RSBN1L: variants seen among roughly 807,000 people sequenced by gnomAD.
RSBN1L encodes the protein round spermatid basic protein 1 like.
In RSBN1L, 30 loss-of-function variants were observed where a neutral mutation model predicts 67.7. The observed-to-expected ratio is 0.44, with a 90% CI of 0.33 to 0.60. The LOEUF is 0.60. Ranked by LOEUF, RSBN1L falls within the 20% of genes least tolerant of loss-of-function variation. The probability of loss-of-function intolerance (pLI) is 0.02; values close to 1 mark genes in which losing one functional copy is unlikely to be tolerated. For missense variants in RSBN1L, 992 were observed against 1,031.7 expected, an observed-to-expected ratio of 0.96 and a Z score of 0.53; for synonymous variants, 433 against 387.0, an observed-to-expected ratio of 1.12 and a Z score of -1.39.
intron 1 of RSBN1L, 30 bp downstream of exon 1, chr7:77,697,085 GGGCGCCGTGGGTCCCCGCCGCCCCCT>G: frequency 7.4e-7 from 1 of 1,355,292 alleles, no homozygotes; most frequent in Admixed American, 3.8e-5. Flanking sequence ...GGGGAGGGGA[GGGCGCCGTGGGTCCCCGCCGCCCCCT>G]GGCGCCCACG....
intron 2 of RSBN1L, among the ~76,000 whole-genome samples, chr7:77,742,733 T>C (rs1317625924): frequency 2.0e-5 from 3 of 152,080 alleles, no homozygotes; most frequent in Admixed American, 6.6e-5. Context: ...GCTACTCAGT[T>C]GGCCGAGGCA....
rs556838369 is a variant in RSBN1L at position 77,778,744 on chromosome 7, A to C, written c.2117A>C (p.His706Pro). ...GACACTTCTCAGAATACAGCTACTC[A>C]TGAAACAGGCACATCATCAGATTCC... ...EEDTSQNTAT[H>P]ETGTSSDSTS... The change falls in exon 8 of 8, where the codon CAT (histidine) becomes CCT (proline). Residue 706 changes from histidine (H) to proline (P), a missense_variant. Transcript: ENST00000334955. 1.9e-6 allele frequency: 3 copies of C among 1,614,160 alleles called. No homozygotes were observed. Among genetic ancestry groups the C allele is most frequent in the East Asian group, 2.2e-5 (1 of 44,872 alleles).
At chr7:77,701,810 C>T (rs954411905) in intron 1 of RSBN1L, among the ~76,000 whole-genome samples, 1 of 151,968 alleles carries the variant, frequency 6.6e-6, no homozygotes, top group African/African-American at 2.4e-5. Flanking sequence ...CGCCACCACG[C>T]CCAGCTAATT....
In RSBN1L at chr7:77,762,234, A is replaced by ATTACT. The variant is rs548802773; in HGVS notation, c.1345-3252_1345-3248dup. ...GCAATATAATCGGAGTAGAGTCTGT[A>ATTACT]TTACTTTACTTTAAAAATTCAGGGT... On this transcript the variant is annotated intron_variant, in intron 3 of 7. Coordinates refer to ENST00000334955, the MANE Select transcript of RSBN1L (RefSeq NM_198467.3). Among the ~76,000 whole-genome samples the ATTACT allele has an allele frequency of 5.3e-3, 807 of 152,272 alleles. 9 individuals carry two copies. The highest frequency in any genetic ancestry group is 0.018 in the African/African-American group (748 of 41,558).
intron 1 of RSBN1L, among the ~76,000 whole-genome samples, chr7:77,721,971 A>G (rs118071415): frequency 0.018 from 2,789 of 152,284 alleles, 38 homozygotes; most frequent in Middle Eastern, 0.071. Context: ...CTAGGTGGTG[A>G]CTCTGGAAAG....
rs2150436578 is a variant in RSBN1L, at chr7:77,780,667, AAAATACTTTG to A, written c.*1500_*1509del. ...ACTGCCATATAGAGATATAATTAACAAAATACTTTGTGGTACCTCTTATCTCTCAGGATCT... is the reference window on the plus strand; with the variant it reads ...ACTGCCATATAGAGATATAATTAACATGGTACCTCTTATCTCTCAGGATCT... On this transcript the variant is annotated 3_prime_UTR_variant, in exon 8 of 8. Coordinates refer to ENST00000334955, the MANE Select transcript of RSBN1L (RefSeq NM_198467.3). The A allele has an allele frequency of 6.6e-6, 1 of 152,346 alleles. No homozygotes were observed. Among genetic ancestry groups the A allele is most frequent in the South Asian group, 2.1e-4 (1 of 4,824 alleles). The allele number at this position is 152,346 out of a possible 1,614,324, so 9.4% of individuals were successfully genotyped here. A position where few individuals can be genotyped will look rare whatever the true frequency, so the allele number is the denominator to read the frequency against.
At chr7:77,762,057 G>A (rs755747768) in intron 3 of RSBN1L, among the ~76,000 whole-genome samples, 4 of 152,054 alleles carry the variant, frequency 2.6e-5, no homozygotes, top group Non-Finnish European at 4.4e-5. Context: ...TGGGCAAATG[G>A]CATCTACCTG....
chr7:77,727,668 C>A (rs1015937987), intron 1 of RSBN1L, among the ~76,000 whole-genome samples: 24 of 149,968 alleles, frequency 1.6e-4, no homozygotes, highest in African/African-American at 5.7e-4. Context: ...GCCTCACTTT[C>A]TTCCCCAGGC....
chr7:77,753,262 T>C (rs1043806160), intron 3 of RSBN1L, among the ~76,000 whole-genome samples: 2 of 152,250 alleles, frequency 1.3e-5, no homozygotes, highest in African/African-American at 4.8e-5. Flanking sequence ...ACATTCCCAG[T>C]GGCAGTGTTT....
intron 1 of RSBN1L, among the ~76,000 whole-genome samples, chr7:77,703,184 C>T (rs1459881642): frequency 6.6e-6 from 1 of 152,172 alleles, no homozygotes; most frequent in African/African-American, 2.4e-5. Flanking sequence ...TACCCCTCAT[C>T]TTGGAGCCAC....
At chr7:77,717,641 T>C (rs957368427) in intron 1 of RSBN1L, among the ~76,000 whole-genome samples, 2 of 152,090 alleles carry the variant, frequency 1.3e-5, no homozygotes, top group Admixed American at 6.5e-5. Context: ...AGGATACTTA[T>C]AATATATACT....
At chr7:77,777,821 A>G (rs1263859717) in intron 6 of RSBN1L, among the ~76,000 whole-genome samples, 2 of 152,102 alleles carry the variant, frequency 1.3e-5, no homozygotes, top group Non-Finnish European at 2.9e-5. Context: ...TAAAGGCATG[A>G]GTAACCTCAG....
In RSBN1L at chr7:77,781,090, A is replaced by G. The variant is rs1791992187; in HGVS notation, c.*1922A>G. 6.6e-6 allele frequency: 1 copy of G among 152,246 alleles called. No homozygotes were observed. The highest frequency in any genetic ancestry group is 2.4e-5 in the African/African-American group (1 of 41,468). The allele number at this position is 152,246 out of a possible 1,614,324, so 9.4% of individuals were successfully genotyped here. On this transcript the variant is annotated 3_prime_UTR_variant, in exon 8 of 8. Transcript: ENST00000334955. ...TTATATTTCTGGTTAGGGCGAAGCC[A>G]TTTAGGAAGAAGCATTTCACCAGAA...
chr7:77,741,595 G>A (rs1195877961), intron 2 of RSBN1L, among the ~76,000 whole-genome samples: 1 of 151,632 alleles, frequency 6.6e-6, no homozygotes, highest in Non-Finnish European at 1.5e-5. Context: ...GGGAGGCTGA[G>A]GCAGGAGAAT....
intron 1 of RSBN1L, among the ~76,000 whole-genome samples, chr7:77,735,707 G>C (rs1312004805): frequency 6.6e-6 from 1 of 152,090 alleles, no homozygotes; most frequent in Non-Finnish European, 1.5e-5. Context: ...ATCCTTCTCT[G>C]TATTTTGTCT....
chr7:77,771,524 T>TTC (rs2150433705), intron 5 of RSBN1L, among the ~76,000 whole-genome samples: 1 of 151,418 alleles, frequency 6.6e-6, no homozygotes, highest in South Asian at 2.1e-4. Flanking sequence ...TTTTTTTTTT[T>TTC]TTTGAGATAG....
intron 2 of RSBN1L, among the ~76,000 whole-genome samples, chr7:77,747,868 C>T (rs1022399948): frequency 1.3e-5 from 2 of 151,104 alleles, no homozygotes; most frequent in African/African-American, 4.9e-5. Context: ...CATGGTTCTA[C>T]AGGCTGTACA....
intron 1 of RSBN1L, among the ~76,000 whole-genome samples, chr7:77,722,536 C>T (rs139886553): frequency 6.6e-6 from 1 of 152,290 alleles, no homozygotes; most frequent in African/African-American, 2.4e-5. Context: ...TAGCGAGGGG[C>T]TGTGATAAAT....
intron 4 of RSBN1L, 147 bp from the exon 5 acceptor site, chr7:77,768,514 G>A: frequency 1.5e-6 from 1 of 669,372 alleles, no homozygotes; most frequent in Non-Finnish European, 2.5e-6. Flanking sequence ...CAATATATAG[G>A]GATATATTCA....
Sources: gnomAD v4.1 joint callset for allele counts (sites outside exome capture counted in the v4.1 genomes callset) on GRCh38, gnomAD v4.1.1 for gene constraint, MANE v1.5 for transcripts, NCBI Gene and HGNC (gene_info 2026-07-23, HGNC 2026-07-21) for gene names.